The following RAD50 variants were observed in gnomAD, a reference collection of about 807,000 sequenced individuals.
RAD50 encodes DNA repair protein RAD50.
RAD50 carries 132 observed loss-of-function variants against 168.8 expected under a neutral mutation model. That is an observed-to-expected ratio of 0.78 (90% CI 0.68 to 0.90). RAD50 has a LOEUF of 0.90. Among genes scored for constraint, RAD50 ranks in the 40% least tolerant of loss-of-function variants. The pLI is 0.00. For missense variants in RAD50, 1,347 were observed against 1,534.4 expected, an observed-to-expected ratio of 0.88 and a Z score of 2.04; for synonymous variants, 525 against 497.4, an observed-to-expected ratio of 1.06 and a Z score of -0.74.
intron 4 of RAD50, 97 bp from the exon 5 acceptor site, chr5:132,579,765 T>C: frequency 9.0e-7 from 1 of 1,111,898 alleles, no homozygotes; most frequent in Non-Finnish European, 1.3e-6. Context: ...AAACTCATTG[T>C]AACTGTAATC....
Position 132,644,916 on chromosome 5 carries a change from A to G in RAD50, c.*2552A>G, listed in dbSNP as rs1241614129. 6.6e-6 allele frequency: 1 copy of G among 152,328 alleles called. No homozygotes were observed. Among genetic ancestry groups the G allele is most frequent in the Non-Finnish European group, 1.5e-5 (1 of 68,150 alleles). 9.4% of individuals were successfully genotyped at this position (152,328 alleles called of 1,614,324 possible). ...CTCCCAAGTAGCTAGGATTACAGGC[A>G]TGTACCACCACACCAGGCTAATTTT... On this transcript the variant is annotated 3_prime_UTR_variant, in exon 25 of 25. Coordinates refer to ENST00000378823, the MANE Select transcript of RAD50 (RefSeq NM_005732.4).
intron 18 of RAD50, 35 bp from the exon 19 acceptor site, chr5:132,609,248 T>G: frequency 6.2e-7 from 1 of 1,607,754 alleles, no homozygotes; most frequent in Non-Finnish European, 8.5e-7. Context: ...GATTGTATTT[T>G]TATTCATGTG....
intron 7 of RAD50, among the ~76,000 whole-genome samples, chr5:132,588,322 T>C (rs1373072404): frequency 1.3e-5 from 2 of 152,154 alleles, no homozygotes; most frequent in Non-Finnish European, 2.9e-5. Context: ...GAGCTAGGTA[T>C]GGTTATGATT....
At chr5:132,568,375 G>A (rs1310568599) in intron 2 of RAD50, among the ~76,000 whole-genome samples, 3 of 151,966 alleles carry the variant, frequency 2.0e-5, no homozygotes, top group Non-Finnish European at 4.4e-5. Context: ...GAGCCACGAC[G>A]CCCGACCGGA....
At chr5:132,560,784 C>T (rs1190164362) in intron 2 of RAD50, among the ~76,000 whole-genome samples, 1 of 152,204 alleles carries the variant, frequency 6.6e-6, no homozygotes, top group Non-Finnish European at 1.5e-5. Flanking sequence ...TTCACATCAG[C>T]ATATAAACAT....
At chr5:132,640,076 C>T (rs183502727) in intron 23 of RAD50, among the ~76,000 whole-genome samples, 38 of 152,228 alleles carry the variant, frequency 2.5e-4, no homozygotes, top group Middle Eastern at 3.4e-3. Context: ...CTAGTAACCA[C>T]GAAAATGCCT....
At chr5:132,598,120 TC>T (rs1421027763) in intron 13 of RAD50, among the ~76,000 whole-genome samples, 2 of 151,848 alleles carry the variant, frequency 1.3e-5, no homozygotes, top group Non-Finnish European at 2.9e-5. Flanking sequence ...CAGTCTTGGC[TC>T]ACTGCAATCT....
At position 132,618,288 on chromosome 5, in the gene RAD50, T is replaced by C. The variant is rs1267781298; in HGVS notation, c.3383T>C (p.Leu1128Pro). 6.2e-7 allele frequency: 1 copy of C among 1,613,928 alleles called. No homozygotes were observed. Among genetic ancestry groups the C allele is most frequent in the Non-Finnish European group, 8.5e-7 (1 of 1,179,976 alleles). Residue 1128 changes from leucine (L) to proline (P), a missense_variant, in exon 21 of 25, where the codon CTT becomes CCT. Physicochemically the swap from Leu to Pro is moderately conservative, Grantham distance 98. Coordinates refer to ENST00000378823, the MANE Select transcript of RAD50 (RefSeq NM_005732.4). ...NKDLDIYYKT[L>P]DQAIMKFHSM... ...GATCTGGATATTTATTATAAGACTCTTGACCAGTAAGTATTAGACTGGGGA... is the reference window on the plus strand; with the variant it reads ...GATCTGGATATTTATTATAAGACTCCTGACCAGTAAGTATTAGACTGGGGA...
intron 21 of RAD50, 55 bp downstream of exon 21, chr5:132,618,349 T>C (rs1166084486): frequency 8.8e-6 from 14 of 1,597,954 alleles, no homozygotes; most frequent in Non-Finnish European, 1.2e-5. Context: ...TAACATACTT[T>C]AGTCATCTTT....
rs1580987207 is a variant in RAD50 at position 132,579,386 on chromosome 5, G to A, written c.435G>A (p.Gly145=). ...EIDREMISSL[G]VSKAVLNNVI... is the part of the protein sequence containing the mutation. ...ACCGAGAAATGATCAGTTCTCTTGG[G>A]GTTTCCAAGGCTGTGCTAAATAATG... Residue 145 remains glycine (G), a synonymous_variant, in exon 4 of 25, where the codon GGG becomes GGA. Coordinates refer to ENST00000378823, the MANE Select transcript of RAD50 (RefSeq NM_005732.4). 6.2e-7 allele frequency: 1 copy of A among 1,613,780 alleles called. No individual in the cohort carries two copies. The highest frequency in any genetic ancestry group is 8.5e-7 in the Non-Finnish European group (1 of 1,179,822).
At chr5:132,578,583 G>A (rs980231504) in intron 3 of RAD50, among the ~76,000 whole-genome samples, 1 of 133,904 alleles carries the variant, frequency 7.5e-6, no homozygotes, top group African/African-American at 3.0e-5. Context: ...CCAGGCTGGA[G>A]TGCAATGATG....
chr5:132,610,953 A>G (rs1751073021), intron 19 of RAD50, among the ~76,000 whole-genome samples: 1 of 152,358 alleles, frequency 6.6e-6, no homozygotes, highest in South Asian at 2.1e-4. Context: ...GTTATATACA[A>G]TAGAGCAAAG....
chr5:132,611,222 C>G (rs978919340), intron 19 of RAD50, among the ~76,000 whole-genome samples: 6 of 151,968 alleles, frequency 3.9e-5, no homozygotes, highest in African/African-American at 1.2e-4. Context: ...AAAACCCCAT[C>G]TCTACTGAAA....
intron 16 of RAD50, among the ~76,000 whole-genome samples, chr5:132,606,618 A>G (rs1029733790): frequency 1.3e-5 from 2 of 152,228 alleles, no homozygotes; most frequent in Non-Finnish European, 1.5e-5. Flanking sequence ...AACTCATTTT[A>G]TAAGGCCAGC....
chr5:132,580,599 A>G (rs901690190), intron 5 of RAD50, among the ~76,000 whole-genome samples: 29 of 152,224 alleles, frequency 1.9e-4, no homozygotes, highest in African/African-American at 7.0e-4. Context: ...GAAGCATTCA[A>G]AAATTGCACA....
intron 16 of RAD50, among the ~76,000 whole-genome samples, chr5:132,605,517 A>T (rs1056328382): frequency 6.6e-6 from 1 of 151,986 alleles, no homozygotes; most frequent in Non-Finnish European, 1.5e-5. Flanking sequence ...GCTAATTTTT[A>T]AAATTTTTCT....
intron 11 of RAD50, among the ~76,000 whole-genome samples, 200 bp downstream of exon 11, chr5:132,592,234 T>C (rs1750714782): frequency 6.6e-6 from 1 of 152,202 alleles, no homozygotes; most frequent in African/African-American, 2.4e-5. Context: ...TTTCTCAACA[T>C]AAGCTCCATC....
intron 17 of RAD50, 29 bp downstream of exon 17, chr5:132,608,754 C>T (rs1217900635): frequency 1.3e-6 from 2 of 1,552,688 alleles, no homozygotes; most frequent in Non-Finnish European, 1.7e-6. Context: ...ATTTACTTAT[C>T]AAATATCTGT....
At chr5:132,596,090 CA>C (rs1468842419) in intron 13 of RAD50, among the ~76,000 whole-genome samples, 2 of 152,000 alleles carry the variant, frequency 1.3e-5, no homozygotes, top group Non-Finnish European at 2.9e-5. Flanking sequence ...CTCCACCTCC[CA>C]GAAGCGATTC....
Sources: allele counts gnomAD v4.1 joint callset (sites outside exome capture counted in the v4.1 genomes callset), GRCh38; gene constraint gnomAD v4.1.1; transcripts MANE v1.5; gene names NCBI Gene and HGNC (gene_info 2026-07-23, HGNC 2026-07-21).